TMEM30A: variants seen among roughly 807,000 people sequenced by gnomAD.
TMEM30A encodes the protein cell cycle control protein 50A.
In TMEM30A, 24 loss-of-function variants were observed where a neutral mutation model predicts 38.2. That is an observed-to-expected ratio of 0.63 (90% CI 0.46 to 0.88). The LOEUF (loss-of-function observed/expected upper bound fraction) is 0.88. Ranked by LOEUF, TMEM30A falls within the 40% of genes least tolerant of loss-of-function variation. The pLI is 0.00. For missense variants in TMEM30A, 370 were observed against 458.6 expected (o/e 0.81, Z 1.77); for synonymous variants, 145 against 161.6 (o/e 0.90, Z 0.78).
intron 6 of TMEM30A, among the ~76,000 whole-genome samples, chr6:75,257,578 A>G (rs934020744): frequency 2.0e-5 from 3 of 152,152 alleles, no homozygotes; most frequent in Admixed American, 6.5e-5. Flanking sequence ...TAGTTTGACT[A>G]TCCCCTCAGG....
Position 75,264,208 on chromosome 6 carries a change from GTTATATT to G in TMEM30A, c.453+1016_453+1022del, listed in dbSNP as rs543130193. 2.8e-4 allele frequency among the ~76,000 whole-genome samples: 42 copies of G among 152,314 alleles called. 1 individual carries two copies. The East Asian group carries it at 8.1e-3, about 29-fold the overall frequency. On this transcript the variant is annotated intron_variant, in intron 3 of 6. Transcript: ENST00000230461. The stretch of plus-strand genomic sequence containing the variant: ...AAACCAATCAAGATAACCTAGAGCA[GTTATATT>G]TTACATTTCGGAGGCCCATGCTGCT...
intron 1 of TMEM30A, 86 bp downstream of exon 1, chr6:75,284,316 T>C: frequency 7.5e-7 from 1 of 1,336,400 alleles, no homozygotes; most frequent in Admixed American, 1.7e-5. Flanking sequence ...TCAACTGGAT[T>C]CTGGGCGCTG....
intron 2 of TMEM30A, among the ~76,000 whole-genome samples, chr6:75,266,641 G>A (rs1036166215): frequency 6.6e-6 from 1 of 152,192 alleles, no homozygotes; most frequent in African/African-American, 2.4e-5. Context: ...TTGAATGGGA[G>A]AGAAAATTAA....
At position 75,284,426 on chromosome 6, in the gene TMEM30A, G is replaced by A. The variant is rs1051798649; in HGVS notation, c.213C>T (p.Thr71=). ...CCTCGATCTCGCGGATGTTGTTGGA[G>A]GTGACAAAAATGCCAATGCCGATGG... ...FIPIGIGIFV[T]SNNIREIEID... Residue 71 remains threonine, a synonymous_variant, in exon 1 of 7, where the codon ACC becomes ACT. Transcript: ENST00000230461. The A allele has an allele frequency of 2.5e-6, 4 of 1,614,124 alleles. No homozygotes were observed. The highest frequency in any genetic ancestry group is 3.3e-5 in the Admixed American group (2 of 60,022).
intron 3 of TMEM30A, among the ~76,000 whole-genome samples, chr6:75,261,416 A>G (rs1190862160): frequency 6.6e-6 from 1 of 152,234 alleles, no homozygotes; most frequent in Non-Finnish European, 1.5e-5. Flanking sequence ...CTAAGAAAGG[A>G]AGGAAGGAGT....
intron 6 of TMEM30A, among the ~76,000 whole-genome samples, chr6:75,257,859 C>T (rs1008986611): frequency 6.6e-6 from 1 of 152,142 alleles, no homozygotes; most frequent in African/African-American, 2.4e-5. Flanking sequence ...ATGCAAAGAT[C>T]AGCAAACATT....
chr6:75,263,750 G>A (rs1187634113), intron 3 of TMEM30A, among the ~76,000 whole-genome samples: 1 of 152,206 alleles, frequency 6.6e-6, no homozygotes, highest in East Asian at 1.9e-4. Context: ...TAATAAGGCT[G>A]ATGCCAGATT....
At chr6:75,284,356 C>G in intron 1 of TMEM30A, 46 bp downstream of exon 1, 1 of 1,578,942 alleles carries the variant, frequency 6.3e-7, no homozygotes, top group Non-Finnish European at 8.7e-7. Context: ...GCGTAGGACC[C>G]TCCTCCCGAG....
chr6:75,272,561 T>C (rs1772190762), intron 1 of TMEM30A: 1 of 152,226 alleles, frequency 6.6e-6, no homozygotes, highest in African/African-American at 2.4e-5. Flanking sequence ...ACAGTAAGGA[T>C]GATCCAAATG....
chr6:75,276,370 C>T (rs1225542166), intron 1 of TMEM30A, among the ~76,000 whole-genome samples: 2 of 152,214 alleles, frequency 1.3e-5, no homozygotes, highest in African/African-American at 2.4e-5. Context: ...AAGTACAGGT[C>T]GCAGCCTGGG....
chr6:75,283,027 T>C (rs1772384983), intron 1 of TMEM30A, among the ~76,000 whole-genome samples: 1 of 152,158 alleles, frequency 6.6e-6, no homozygotes, highest in African/African-American at 2.4e-5. Flanking sequence ...ATTAAGGTGA[T>C]AAAACAAACT....
At chr6:75,277,683 C>A (rs2149524324) in intron 1 of TMEM30A, among the ~76,000 whole-genome samples, 2 of 152,238 alleles carry the variant, frequency 1.3e-5, no homozygotes, top group South Asian at 4.2e-4. Flanking sequence ...GGCAAGAGGA[C>A]TGCTTGAGGC....
intron 6 of TMEM30A, 71 bp from the exon 7 acceptor site, chr6:75,256,366 C>T: frequency 1.4e-6 from 2 of 1,392,688 alleles, no homozygotes; most frequent in South Asian, 1.4e-5. Flanking sequence ...TAAAAGTTGC[C>T]ATTTAATTGT....
chr6:75,272,382 C>T (rs915495908), intron 1 of TMEM30A: 2 of 152,276 alleles, frequency 1.3e-5, no homozygotes, highest in African/African-American at 2.4e-5. Context: ...GCTTATGCCC[C>T]TTCCTTATTT....
At position 75,267,693 on chromosome 6, in the gene TMEM30A, T is replaced by G. The variant is rs1362355517; in HGVS notation, c.293A>C (p.Asp98Ala). The change falls in exon 2 of 7, where the codon GAT (aspartate) becomes GCT (alanine). Residue 98 changes from aspartate (D) to alanine (A), a missense_variant. By Grantham distance (126) the Asp-to-Ala change is moderately radical. Transcript: ENST00000230461. ...AATGGTACAAAAGCAAGGTGTCACA[T>G]CCGGAGATAAACATTTATTACAGGG... ...SSPCNKCLSP[D>A]VTPCFCTINF... 13 of 1,611,780 alleles carry G rather than the reference T, an allele frequency of 8.1e-6. No homozygotes were observed. The highest frequency in any genetic ancestry group is 1.1e-5 in the Non-Finnish European group (13 of 1,179,028).
intron 1 of TMEM30A, among the ~76,000 whole-genome samples, chr6:75,275,560 T>G (rs240405): frequency 6.6e-6 from 1 of 152,148 alleles, no homozygotes; most frequent in African/African-American, 2.4e-5. Context: ...CAGCTACAAA[T>G]CAAAATATCT....
intron 1 of TMEM30A, among the ~76,000 whole-genome samples, chr6:75,279,101 T>G (rs1772311734): frequency 7.0e-6 from 1 of 142,928 alleles, no homozygotes; most frequent in African/African-American, 2.5e-5. Flanking sequence ...AAGAAGGTCC[T>G]CTGCTCCAAA....
intron 6 of TMEM30A, 121 bp downstream of exon 6, chr6:75,258,659 T>A (rs1771909949): frequency 1.2e-6 from 1 of 809,694 alleles, no homozygotes; most frequent in Non-Finnish European, 1.9e-6. Flanking sequence ...CCACACATAC[T>A]TTTGTAAAAA....
In TMEM30A at chr6:75,253,677, A is replaced by G. The variant is rs1771821059; in HGVS notation, c.*2425T>C. On this transcript the variant is annotated 3_prime_UTR_variant, in exon 7 of 7. Coordinates refer to ENST00000230461, the MANE Select transcript of TMEM30A (RefSeq NM_018247.4). ...CAAATATTATCATTTAATAAAATCA[A>G]CGTTACAAAGAAACTCACTAGCAAA... is the stretch of plus-strand genomic sequence containing the variant. 6.6e-6 allele frequency: 1 copy of G among 152,580 alleles called. No individual in the cohort carries two copies. 9.5% of individuals were successfully genotyped at this position (152,580 alleles called of 1,614,324 possible). A position where few individuals can be genotyped will look rare whatever the true frequency, so the allele number is the denominator to read the frequency against.
Sources: gnomAD v4.1 joint callset for allele counts (sites outside exome capture counted in the v4.1 genomes callset) on GRCh38, gnomAD v4.1.1 for gene constraint, MANE v1.5 for transcripts, NCBI Gene and HGNC (gene_info 2026-07-23, HGNC 2026-07-21) for gene names.